Variants in AFF1 observed in about 807,000 individuals in gnomAD.
AFF1 encodes the protein ALF transcription elongation factor 1, also known as AF4/FMR2 family member 1.
AFF1 carries 48 observed loss-of-function variants against 121.7 expected under a neutral mutation model. The ratio of observed to expected loss-of-function variants is 0.39; its 90% CI spans 0.31 to 0.50. The LOEUF is 0.50. Ranked by LOEUF, AFF1 falls within the 20% of genes least tolerant of loss-of-function variation. The pLI, the probability that AFF1 is intolerant of heterozygous loss-of-function variation, is 0.76. For synonymous variants in AFF1, 613 were observed against 563.0 expected (o/e 1.09, Z -1.26); for missense variants, 1,523 against 1,511.7 (o/e 1.01, Z -0.12).
rs936341599 is a variant in AFF1 at position 87,057,427 on chromosome 4, C to G, written c.1059+9833C>G. On this transcript the variant is annotated intron_variant, in intron 4 of 20. Coordinates refer to ENST00000395146, the MANE Select transcript of AFF1 (RefSeq NM_001166693.3). ...TTCTGTAAGACTTTGGGCAAGGAAC[C>G]TAACCTTCCTGTGTTACCAGTTTAT... Among the ~76,000 whole-genome samples, 3 of 152,148 alleles carry G rather than the reference C, an allele frequency of 2.0e-5. No individual in the cohort carries two copies. In the South Asian group the frequency reaches 6.2e-4, roughly 32 times the overall value.
intron 4 of AFF1, among the ~76,000 whole-genome samples, chr4:87,078,999 G>C (rs984791725): frequency 1.3e-5 from 2 of 152,086 alleles, no homozygotes; most frequent in Non-Finnish European, 2.9e-5. Flanking sequence ...GTTAGGTTTG[G>C]TAATACTATA....
intron 2 of AFF1, among the ~76,000 whole-genome samples, chr4:87,028,319 T>C (rs1324334772): frequency 6.6e-6 from 1 of 152,126 alleles, no homozygotes; most frequent in African/African-American, 2.4e-5. Context: ...TTTTTTCTTT[T>C]GGTATAAAAT....
At chr4:87,082,808 T>C (rs1723305652) in intron 4 of AFF1, among the ~76,000 whole-genome samples, 1 of 152,150 alleles carries the variant, frequency 6.6e-6, no homozygotes, top group Non-Finnish European at 1.5e-5. Flanking sequence ...TCTTCATCCA[T>C]GGAGTGAATT....
intron 2 of AFF1, among the ~76,000 whole-genome samples, chr4:87,014,950 C>A (rs912063450): frequency 6.6e-6 from 1 of 152,200 alleles, no homozygotes; most frequent in Admixed American, 6.5e-5. Flanking sequence ...GACAAACTGT[C>A]TACCTTAGAC....
rs192426087 is a variant in AFF1, at chr4:87,126,483, T to C, written c.2811+147T>C. The C allele has an allele frequency of 1.4e-5, 10 of 713,724 alleles. No individual in the cohort carries two copies. The African/African-American group carries it at 1.8e-4, about 13-fold the overall frequency. 44.2% of individuals were successfully genotyped at this position (713,724 alleles called of 1,614,324 possible). ...TGTTTGTGTTTAAAATGCTACTTTT[T>C]GGAGGGAGAGTAAAAGGTATTAATA... On this transcript the variant is annotated intron_variant, in intron 14 of 20. Coordinates refer to ENST00000395146, the MANE Select transcript of AFF1 (RefSeq NM_001166693.3).
chr4:87,022,103 A>G (rs913007503), intron 2 of AFF1, among the ~76,000 whole-genome samples: 1 of 150,826 alleles, frequency 6.6e-6, no homozygotes, highest in African/African-American at 2.4e-5. Flanking sequence ...TACTTGGGAG[A>G]CTGAGGTGGG....
intron 4 of AFF1, among the ~76,000 whole-genome samples, chr4:87,074,658 T>C (rs1422983074): frequency 6.6e-6 from 1 of 152,256 alleles, no homozygotes; most frequent in Non-Finnish European, 1.5e-5. Context: ...ATTGTCATAA[T>C]ATGTACTGAA....
intron 2 of AFF1, among the ~76,000 whole-genome samples, chr4:86,956,454 C>T (rs983812832): frequency 2.0e-5 from 3 of 152,162 alleles, no homozygotes; most frequent in Non-Finnish European, 4.4e-5. Context: ...ACAGAAGTAA[C>T]TTTATTGAGG....
intron 2 of AFF1, among the ~76,000 whole-genome samples, chr4:86,960,861 A>G (rs1386946150): frequency 6.6e-6 from 1 of 152,078 alleles, no homozygotes; most frequent in Non-Finnish European, 1.5e-5. Context: ...GCCCTTTGTA[A>G]CCTGAGTGGA....
intron 2 of AFF1, among the ~76,000 whole-genome samples, chr4:86,964,324 C>T (rs1450608762): frequency 1.3e-5 from 2 of 149,110 alleles, no homozygotes; most frequent in Admixed American, 1.3e-4. Context: ...GGGGTGTTGG[C>T]CAGGATGGGC....
intron 13 of AFF1, 170 bp downstream of exon 13, chr4:87,125,313 C>T (rs1020496193): frequency 4.8e-6 from 2 of 416,338 alleles, no homozygotes; most frequent in Admixed American, 4.3e-5. Flanking sequence ...GAGGACCTTA[C>T]AGGAATTAAC....
intron 2 of AFF1, among the ~76,000 whole-genome samples, chr4:87,038,196 A>C (rs1189680099): frequency 6.6e-6 from 1 of 152,184 alleles, no homozygotes; most frequent in African/African-American, 2.4e-5. Context: ...TTTCTTTATA[A>C]ATTTTAAGAA....
At chr4:86,995,618 A>G (rs1248864513) in intron 2 of AFF1, among the ~76,000 whole-genome samples, 5 of 146,932 alleles carry the variant, frequency 3.4e-5, no homozygotes, top group Non-Finnish European at 7.4e-5. Flanking sequence ...TCAGTGCTCA[A>G]TGGTGCCCAG....
intron 2 of AFF1, among the ~76,000 whole-genome samples, chr4:87,018,627 A>G (rs557456387): frequency 6.6e-6 from 1 of 152,350 alleles, no homozygotes; most frequent in East Asian, 1.9e-4. Flanking sequence ...AAACAGGGAT[A>G]AAAATGTTAG....
Position 87,047,817 on chromosome 4 carries a change from A to G in AFF1, c.1059+223A>G, listed in dbSNP as rs1345614883. 6 of 683,368 alleles carry G rather than the reference A, an allele frequency of 8.8e-6. No individual in the cohort carries two copies. In the East Asian group the frequency reaches 1.5e-4, roughly 18 times the overall value. 42.3% of individuals were successfully genotyped at this position (683,368 alleles called of 1,614,324 possible). On this transcript the variant is annotated intron_variant, in intron 4 of 20. Coordinates refer to ENST00000395146, the MANE Select transcript of AFF1 (RefSeq NM_001166693.3). Reference sequence around the variant, plus strand: ...TGCAGTTTGCAGAAAGGTTTAGAGAACCTTTTTATGGAGCCAAAATTTATA... The same window carrying G: ...TGCAGTTTGCAGAAAGGTTTAGAGAGCCTTTTTATGGAGCCAAAATTTATA...
At chr4:86,962,663 C>T (rs1042931034) in intron 2 of AFF1, among the ~76,000 whole-genome samples, 1 of 152,082 alleles carries the variant, frequency 6.6e-6, no homozygotes, top group Non-Finnish European at 1.5e-5. Context: ...GCGCCTGGCA[C>T]TGTATGTGAA....
intron 2 of AFF1, among the ~76,000 whole-genome samples, chr4:87,037,123 C>T (rs1729647760): frequency 6.6e-6 from 1 of 152,172 alleles, no homozygotes; most frequent in Non-Finnish European, 1.5e-5. Flanking sequence ...ATTAACACTC[C>T]AGTATTTCTT....
chr4:87,026,544 G>A (rs1181960987), intron 2 of AFF1, among the ~76,000 whole-genome samples: 1 of 152,150 alleles, frequency 6.6e-6, no homozygotes, highest in Non-Finnish European at 1.5e-5. Flanking sequence ...TGGGGACCTT[G>A]AGTGGCCATC....
At chr4:87,014,715 A>C (rs918767157) in intron 2 of AFF1, among the ~76,000 whole-genome samples, 1 of 152,262 alleles carries the variant, frequency 6.6e-6, no homozygotes, top group Admixed American at 6.5e-5. Context: ...GACAGACCCA[A>C]GATTATCACG....
Sources: gnomAD v4.1 joint callset for allele counts (sites outside exome capture counted in the v4.1 genomes callset) on GRCh38, gnomAD v4.1.1 for gene constraint, MANE v1.5 for transcripts, NCBI Gene and HGNC (gene_info 2026-07-23, HGNC 2026-07-21) for gene names.